The following VPS8 variants were observed in gnomAD, a reference collection of about 807,000 sequenced individuals.
The protein encoded by VPS8 is vacuolar protein sorting-associated protein 8 homolog.
A neutral mutation model predicts 216.4 loss-of-function variants in VPS8; 129 were observed. That is an observed-to-expected ratio of 0.60 (90% CI 0.52 to 0.69). The LOEUF (loss-of-function observed/expected upper bound fraction) is 0.69, where lower values mean the gene tolerates loss of function less well. Ranked by LOEUF, VPS8 falls within the 30% of genes least tolerant of loss-of-function variation. The pLI, the probability that VPS8 is intolerant of heterozygous loss-of-function variation, is 0.00. For synonymous variants in VPS8, 571 were observed against 565.4 expected (o/e 1.01, Z -0.14); for missense variants, 1,531 against 1,683.5 (o/e 0.91, Z 1.59).
At chr3:184,945,486 G>A (rs1288217684) in intron 36 of VPS8, among the ~76,000 whole-genome samples, 2 of 152,030 alleles carry the variant, frequency 1.3e-5, no homozygotes, top group Non-Finnish European at 2.9e-5. Flanking sequence ...TGAGAGTGAT[G>A]ATCAAGTTTT....
intron 46 of VPS8, among the ~76,000 whole-genome samples, chr3:185,038,089 G>A (rs574284678): frequency 6.6e-6 from 1 of 152,212 alleles, no homozygotes; most frequent in African/African-American, 2.4e-5. Context: ...TATACCCTAT[G>A]TACTGGTCCC....
chr3:184,822,658 G>A (rs1280528721), intron 1 of VPS8, among the ~76,000 whole-genome samples: 1 of 152,214 alleles, frequency 6.6e-6, no homozygotes, highest in Non-Finnish European at 1.5e-5. Flanking sequence ...TTTGTAAATA[G>A]TTGTTAAATA....
At chr3:184,898,204 A>T (rs1313594308) in intron 23 of VPS8, among the ~76,000 whole-genome samples, 1 of 152,074 alleles carries the variant, frequency 6.6e-6, no homozygotes, top group African/African-American at 2.4e-5. Context: ...CAAAGTCTGG[A>T]TTTATCTTAT....
intron 43 of VPS8, among the ~76,000 whole-genome samples, chr3:184,994,949 G>A (rs1265103698): frequency 6.6e-6 from 1 of 152,170 alleles, no homozygotes; most frequent in Non-Finnish European, 1.5e-5. Flanking sequence ...CTTGTGCAGG[G>A]AAACTCCCCC....
intron 26 of VPS8, among the ~76,000 whole-genome samples, chr3:184,914,378 GA>G (rs1223041359): frequency 6.6e-6 from 1 of 152,088 alleles, no homozygotes; most frequent in Admixed American, 6.5e-5. Flanking sequence ...CCAAAAAATA[GA>G]AAAAAGGTAG....
chr3:184,913,539 A>G lies in VPS8; in HGVS notation c.2167A>G (p.Asn723Asp). The part of the protein sequence containing the change: ...TLTDEQVVMG[N>D]KLLVYISCCL... ...TTTAGATGAACAAGTTGTTATGGGC[A>G]ATAAGCTCCTTGTATATATTAGGTA... The change falls in exon 26 of 48, where the codon AAT becomes GAT. Residue 723 changes from asparagine to aspartate, a missense_variant. Asn to Asp is a conservative substitution (Grantham distance 23). Coordinates refer to ENST00000625842, the MANE Select transcript of VPS8 (RefSeq NM_001009921.3). The G allele has an allele frequency of 6.3e-7, 1 of 1,589,412 alleles. No individual in the cohort carries two copies. The highest frequency in any genetic ancestry group is 8.6e-7 in the Non-Finnish European group (1 of 1,168,198).
chr3:184,983,514 TTTGTC>T, intron 42 of VPS8, among the ~76,000 whole-genome samples: 1 of 152,326 alleles, frequency 6.6e-6, no homozygotes, highest in Admixed American at 6.5e-5. Flanking sequence ...TAAAATTATT[TTTGTC>T]TTGAATACTC....
chr3:184,816,319 G>A (rs922082443), intron 1 of VPS8: 1 of 152,190 alleles, frequency 6.6e-6, no homozygotes, highest in African/African-American at 2.4e-5. Flanking sequence ...GGAGCTGATT[G>A]TCTGACAATT....
chr3:184,844,974 A>G (rs1722857065), intron 8 of VPS8, among the ~76,000 whole-genome samples: 1 of 152,214 alleles, frequency 6.6e-6, no homozygotes, highest in Non-Finnish European at 1.5e-5. Context: ...CTCATTTCAT[A>G]TTTCTTGCCA....
chr3:184,994,154 C>A, intron 43 of VPS8, 91 bp downstream of exon 43: 1 of 940,920 alleles, frequency 1.1e-6, no homozygotes, highest in South Asian at 2.1e-5. Flanking sequence ...AAAAAAATTA[C>A]CATCTATTTA....
intron 40 of VPS8, 163 bp from the exon 41 acceptor site, chr3:184,982,403 C>A: frequency 1.8e-6 from 1 of 544,722 alleles, no homozygotes. Flanking sequence ...TTTTTTTTTG[C>A]CCCAAATATT....
intron 25 of VPS8, 90 bp downstream of exon 25, chr3:184,901,062 T>G: frequency 9.0e-7 from 1 of 1,110,734 alleles, no homozygotes; most frequent in Non-Finnish European, 1.3e-6. Context: ...ATGTGTGCAG[T>G]GTGAATGTTG....
intron 44 of VPS8, among the ~76,000 whole-genome samples, chr3:184,997,017 G>A (rs771355773): frequency 1.3e-5 from 2 of 152,210 alleles, no homozygotes; most frequent in African/African-American, 2.4e-5. Flanking sequence ...TCTTGCACGT[G>A]TTAGGTTTGA....
At chr3:184,841,620 T>C (rs1722151555) in intron 7 of VPS8, among the ~76,000 whole-genome samples, 2 of 152,212 alleles carry the variant, frequency 1.3e-5, no homozygotes, top group Admixed American at 6.5e-5. Context: ...GGACTTTTGA[T>C]ATGTATCATC....
chr3:184,925,025 C>T, intron 30 of VPS8, 44 bp downstream of exon 30: 1 of 1,576,810 alleles, frequency 6.3e-7, no homozygotes, highest in Non-Finnish European at 8.6e-7. Flanking sequence ...TTCCTGTTTA[C>T]TGCGCACAGT....
At position 184,855,892 on chromosome 3, in the gene VPS8, G is replaced by A. The variant is rs542927475; in HGVS notation, c.1143+74G>A. On this transcript the variant is annotated intron_variant, in intron 14 of 47. Coordinates refer to ENST00000625842, the MANE Select transcript of VPS8 (RefSeq NM_001009921.3). ...CATCAGCAATTAATAATGTGTCAGA[G>A]AAATTTGTGTTACTATCCTAAGTCT... 6 of 1,199,328 alleles carry A rather than the reference G, an allele frequency of 5.0e-6. No individual in the cohort carries two copies. The East Asian group carries it at 1.5e-4, about 30-fold the overall frequency. The allele number at this position is 1,199,328 out of a possible 1,614,324, so 74.3% of individuals were successfully genotyped here. A position where few individuals can be genotyped will look rare whatever the true frequency, so the allele number is the denominator to read the frequency against.
At chr3:184,915,570 T>C in intron 28 of VPS8, 96 bp downstream of exon 28, 1 of 1,350,622 alleles carries the variant, frequency 7.4e-7, no homozygotes, top group South Asian at 1.4e-5. Flanking sequence ...CCCAACACTT[T>C]GGCCGAGGCA....
At chr3:184,828,290 C>T (rs954498502) in intron 3 of VPS8, among the ~76,000 whole-genome samples, 5 of 152,096 alleles carry the variant, frequency 3.3e-5, no homozygotes, top group African/African-American at 1.2e-4. Flanking sequence ...CAGGTGCCCA[C>T]CACCACGCCC....
At chr3:184,885,708 T>A (rs986289490) in intron 21 of VPS8, among the ~76,000 whole-genome samples, 1 of 152,232 alleles carries the variant, frequency 6.6e-6, no homozygotes, top group Non-Finnish European at 1.5e-5. Flanking sequence ...TGTAAACTCT[T>A]GATAAGCTTG....
Sources: gnomAD v4.1 joint callset for allele counts (sites outside exome capture counted in the v4.1 genomes callset) on GRCh38, gnomAD v4.1.1 for gene constraint, MANE v1.5 for transcripts, NCBI Gene and HGNC (gene_info 2026-07-23, HGNC 2026-07-21) for gene names.